The following DPH6 variants were observed in gnomAD, a reference collection of about 807,000 sequenced individuals.
DPH6 encodes the protein diphthine--ammonia ligase.
A neutral mutation model predicts 38.2 loss-of-function variants in DPH6; 33 were observed. The ratio of observed to expected loss-of-function variants is 0.86; its 90% CI spans 0.65 to 1.15. DPH6 has a LOEUF of 1.15. Ranked by LOEUF, DPH6 falls within the 50% of genes most tolerant of loss-of-function variation. The probability of loss-of-function intolerance (pLI) is 0.00; values close to 1 mark genes in which losing one functional copy is unlikely to be tolerated. For synonymous variants in DPH6, 108 were observed against 103.0 expected, an observed-to-expected ratio of 1.05 and a Z score of -0.30; for missense variants, 325 against 320.0, an observed-to-expected ratio of 1.02 and a Z score of -0.12.
At chr15:35,229,868 C>T (rs2051505221) in intron 3 of DPH6, among the ~76,000 whole-genome samples, 1 of 152,182 alleles carries the variant, frequency 6.6e-6, no homozygotes, top group Admixed American at 6.5e-5. Flanking sequence ...TGTTCTCTTC[C>T]CTTACTTTCT....
At chr15:35,350,042 G>C (rs1292308071) in intron 3 of DPH6, among the ~76,000 whole-genome samples, 1 of 152,072 alleles carries the variant, frequency 6.6e-6, no homozygotes, top group African/African-American at 2.4e-5. Context: ...TTCTTTAAAT[G>C]GCTGCAAGAA....
chr15:35,244,850 G>A (rs1018452960), intron 3 of DPH6, among the ~76,000 whole-genome samples: 1 of 152,108 alleles, frequency 6.6e-6, no homozygotes, highest in South Asian at 2.1e-4. Flanking sequence ...CTACGAGCTT[G>A]GTAAGTCAAT....
At chr15:35,510,551 T>C (rs192989249) in intron 3 of DPH6, among the ~76,000 whole-genome samples, 5 of 152,332 alleles carry the variant, frequency 3.3e-5, no homozygotes, top group East Asian at 1.9e-4. Context: ...GTGGTAACCA[T>C]AGGGATGAGG....
chr15:35,458,325 A>T (rs1165480722), intron 3 of DPH6, among the ~76,000 whole-genome samples: 1 of 152,092 alleles, frequency 6.6e-6, no homozygotes, highest in African/African-American at 2.4e-5. Context: ...ATGACTTCTC[A>T]AGACTAGCCT....
chr15:35,471,264 T>C (rs2054195658), intron 3 of DPH6, among the ~76,000 whole-genome samples: 1 of 152,174 alleles, frequency 6.6e-6, no homozygotes, highest in Non-Finnish European at 1.5e-5. Context: ...CATAAGACTC[T>C]CTCCACTCTC....
chr15:35,423,152 G>A (rs2053526921), intron 5 of DPH6, among the ~76,000 whole-genome samples: 2 of 151,788 alleles, frequency 1.3e-5, no homozygotes, highest in South Asian at 2.1e-4. Flanking sequence ...TTTCCATAAT[G>A]GCTGTACCAA....
downstream of DPH6, among the ~76,000 whole-genome samples, chr15:35,369,529 A>C (rs1312438682): frequency 1.3e-5 from 2 of 151,604 alleles, no homozygotes; most frequent in Non-Finnish European, 3.0e-5. Flanking sequence ...AGCTGGCAAC[A>C]TGTGAAAGTT....
At chr15:35,277,835 C>G (rs759206283) in intron 3 of DPH6, among the ~76,000 whole-genome samples, 1 of 152,186 alleles carries the variant, frequency 6.6e-6, no homozygotes, top group African/African-American at 2.4e-5. Context: ...CCTAGGGTAT[C>G]TGGCAGAAGA....
chr15:35,479,308 G>A (rs1595400191), intron 3 of DPH6, among the ~76,000 whole-genome samples: 2 of 152,052 alleles, frequency 1.3e-5, no homozygotes, highest in African/African-American at 2.4e-5. Flanking sequence ...GTCTACCTAT[G>A]AGTATAGGAT....
At chr15:35,403,966 C>CA (rs1201402374) in intron 6 of DPH6, among the ~76,000 whole-genome samples, 1 of 151,960 alleles carries the variant, frequency 6.6e-6, no homozygotes. Flanking sequence ...AAATAAGTGA[C>CA]AATGTGTGAT....
intron 3 of DPH6, among the ~76,000 whole-genome samples, chr15:35,516,432 C>T (rs1455945473): frequency 1.3e-5 from 2 of 152,146 alleles, no homozygotes; most frequent in Non-Finnish European, 2.9e-5. Flanking sequence ...CATAATGACC[C>T]TATGTTGTAC....
chr15:35,168,159 G>C, the DPH6 span, among the ~76,000 whole-genome samples: 1 of 152,034 alleles, frequency 6.6e-6, no homozygotes, highest in African/African-American at 2.4e-5. Context: ...TAGGGGAAAT[G>C]CTTGAAATAA....
At chr15:35,473,292 G>T (rs1038613103) in intron 3 of DPH6, among the ~76,000 whole-genome samples, 2 of 152,084 alleles carry the variant, frequency 1.3e-5, no homozygotes, top group Non-Finnish European at 2.9e-5. Context: ...CTTTAAAGAT[G>T]AAGCAAGTAC....
chr15:35,200,170 G>A, the DPH6 span, among the ~76,000 whole-genome samples: 1 of 152,138 alleles, frequency 6.6e-6, no homozygotes, highest in Non-Finnish European at 1.5e-5. Context: ...AAAGAAAGAT[G>A]ATGAGAGAGA....
chr15:35,440,541 A>C lies in DPH6; in HGVS notation c.505+10144T>G, dbSNP rs371004084. On this transcript the variant is annotated intron_variant, in intron 5 of 8. Coordinates refer to ENST00000256538, the MANE Select transcript of DPH6 (RefSeq NM_080650.4). ...AGATCTGATTCTGTCTTCCCAAAAC[A>C]GTACCCCCTCTGTCAGCAGTATGCA... is the stretch of plus-strand genomic sequence containing the variant. Among the ~76,000 whole-genome samples the C allele has an allele frequency of 1.5e-4, 23 of 152,328 alleles. No homozygotes were observed. In the East Asian group the frequency reaches 4.4e-3, roughly 29 times the overall value.
intron 6 of DPH6, among the ~76,000 whole-genome samples, chr15:35,390,322 G>C (rs910733787): frequency 1.3e-5 from 2 of 152,054 alleles, no homozygotes; most frequent in African/African-American, 4.8e-5. Flanking sequence ...TATGTGTCTT[G>C]GAGTTGCTCT....
chr15:35,533,097 C>T (rs899062440), intron 3 of DPH6, among the ~76,000 whole-genome samples: 1 of 123,774 alleles, frequency 8.1e-6, no homozygotes, highest in Non-Finnish European at 1.8e-5. Flanking sequence ...ACAAGAGCGA[C>T]ACTCAGTCTC....
At chr15:35,210,946 CTTTTTTTTTTTT>C in the DPH6 span, among the ~76,000 whole-genome samples, 6 of 61,570 alleles carry the variant, frequency 9.7e-5, no homozygotes, top group East Asian at 3.3e-3. Context: ...AGATAGATCA[CTTTTTTTTTTTT>C]TTTTTTTTTT....
intron 3 of DPH6, among the ~76,000 whole-genome samples, chr15:35,250,499 C>T (rs1039547246): frequency 2.0e-5 from 3 of 152,138 alleles, no homozygotes; most frequent in African/African-American, 4.8e-5. Flanking sequence ...CAGGCCAATA[C>T]AGCTCAAGAT....
Sources: allele counts gnomAD v4.1 joint callset (sites outside exome capture counted in the v4.1 genomes callset), GRCh38; gene constraint gnomAD v4.1.1; transcripts MANE v1.5; gene names NCBI Gene and HGNC (gene_info 2026-07-23, HGNC 2026-07-21).